Variants in GRIP1 observed in about 807,000 individuals in gnomAD.
The protein encoded by GRIP1 is glutamate receptor interacting protein 1, also known as glutamate receptor-interacting protein 1.
In GRIP1, 45 loss-of-function variants were observed where a neutral mutation model predicts 129.9. The observed-to-expected ratio is 0.35, with a 90% CI of 0.27 to 0.44. The LOEUF (loss-of-function observed/expected upper bound fraction) is 0.44. Ranked by LOEUF, GRIP1 falls within the 20% of genes least tolerant of loss-of-function variation. The pLI is 1.00. For synonymous variants in GRIP1, 530 were observed against 520.8 expected (o/e 1.02, Z -0.24); for missense variants, 1,196 against 1,396.8 (o/e 0.86, Z 2.29).
chr12:66,415,618 C>T lies in GRIP1; in HGVS notation c.1838+5102G>A, dbSNP rs375134263. 1.2e-3 allele frequency among the ~76,000 whole-genome samples: 179 copies of T among 152,208 alleles called. 1 individual carries two copies. Among genetic ancestry groups the T allele is most frequent in the African/African-American group, 3.5e-3 (146 of 41,520 alleles). On this transcript the variant is annotated intron_variant, in intron 15 of 24. Transcript: ENST00000359742. ...TTATTCTATTATAAAGATATATGCACGCTTATGTCCACTGCAGCACTATTC... is the reference window on the plus strand; with the variant it reads ...TTATTCTATTATAAAGATATATGCATGCTTATGTCCACTGCAGCACTATTC...
At chr12:66,755,100 T>C (rs1480018) in intron 1 of GRIP1, among the ~76,000 whole-genome samples, 28,651 of 152,040 alleles carry the variant, frequency 0.19, 2,800 homozygotes, top group Middle Eastern at 0.3. Flanking sequence ...AAATAAAACA[T>C]CAGGAAACCT....
chr12:66,392,428 A>C lies in GRIP1; in HGVS notation c.2344T>G (p.Ser782Ala). The change falls in exon 19 of 25, where the codon TCC becomes GCC. Residue 782 changes from serine to alanine, a missense_variant. Ser to Ala is a moderately conservative substitution (Grantham distance 99). Transcript: ENST00000359742. ...TTGCCTGGCTTCTGTGCTGGTGAGGAGTCCTCCTCCACATCCCCCAGGTCA... is the reference window on the plus strand; with the variant it reads ...TTGCCTGGCTTCTGTGCTGGTGAGGCGTCCTCCTCCACATCCCCCAGGTCA... ...LSDLGDVEED[S>A]SPAQKPGKLS... 1 of 1,614,016 alleles carries C rather than the reference A, an allele frequency of 6.2e-7. No homozygotes were observed. Among genetic ancestry groups the C allele is most frequent in the Non-Finnish European group, 8.5e-7 (1 of 1,179,906 alleles).
chr12:66,689,340 G>T (rs995894274), intron 1 of GRIP1, among the ~76,000 whole-genome samples: 5 of 152,210 alleles, frequency 3.3e-5, no homozygotes, highest in Admixed American at 2.6e-4. Flanking sequence ...GGAAAAGCAG[G>T]CGGAAGGTCA....
chr12:66,646,660 C>T (rs1396117732), intron 1 of GRIP1, among the ~76,000 whole-genome samples: 7 of 152,114 alleles, frequency 4.6e-5, no homozygotes, highest in East Asian at 3.9e-4. Flanking sequence ...TTATTTGCTA[C>T]GTTAAAAGAT....
intron 1 of GRIP1, among the ~76,000 whole-genome samples, chr12:66,944,727 T>A (rs2041639010): frequency 6.6e-6 from 1 of 152,184 alleles, no homozygotes; most frequent in Admixed American, 6.5e-5. Flanking sequence ...GGACTGCTAC[T>A]GGGCCATTTC....
At chr12:66,851,355 A>C (rs1485818191) in intron 1 of GRIP1, among the ~76,000 whole-genome samples, 2 of 152,098 alleles carry the variant, frequency 1.3e-5, no homozygotes, top group African/African-American at 4.8e-5. Context: ...AGAGGAAGTT[A>C]GAGGCAGGAA....
chr12:66,504,389 A>G (rs1422014072), intron 7 of GRIP1, among the ~76,000 whole-genome samples: 1 of 152,210 alleles, frequency 6.6e-6, no homozygotes, highest in African/African-American at 2.4e-5. Flanking sequence ...ATTCAGATTT[A>G]TCATATAGAA....
At chr12:66,725,136 TAAAAAC>T (rs111926128) in intron 1 of GRIP1, among the ~76,000 whole-genome samples, 7 of 151,680 alleles carry the variant, frequency 4.6e-5, no homozygotes, top group Admixed American at 1.3e-4. Flanking sequence ...TACAACAAAT[TAAAAAC>T]AAAAACAAAA....
chr12:66,465,292 AGATTTGAT>A lies in GRIP1; in HGVS notation c.847_854del (p.Ile283CysfsTer41), dbSNP rs755029817. On this transcript the variant is annotated frameshift_variant, in exon 8 of 25. Coordinates refer to ENST00000359742, the MANE Select transcript of GRIP1 (RefSeq NM_001366722.1). LOFTEE classifies it high-confidence loss of function. ...ATACTTACCTGTCTGCAATACTTGCAGATTTGATTTTGTCTATGACAATGACTTGTTTG... is the reference window on the plus strand; with the variant it reads ...ATACTTACCTGTCTGCAATACTTGCATTTGTCTATGACAATGACTTGTTTG... 6.2e-7 allele frequency: 1 copy of A among 1,613,930 alleles called. No individual in the cohort carries two copies. The highest frequency in any genetic ancestry group is 8.5e-7 in the Non-Finnish European group (1 of 1,179,816).
intron 1 of GRIP1, among the ~76,000 whole-genome samples, chr12:66,787,107 T>G (rs55723331): frequency 6.6e-6 from 1 of 152,084 alleles, no homozygotes; most frequent in Non-Finnish European, 1.5e-5. Context: ...GACCCCTAAA[T>G]GGCCCCAGCT....
rs897251768 is a variant in GRIP1 at position 66,891,909 on chromosome 12, G to A, written c.58+177141C>T. 2.6e-5 allele frequency: 4 copies of A among 152,354 alleles called. No homozygotes were observed. The East Asian group carries it at 5.8e-4, about 22-fold the overall frequency. 9.4% of individuals were successfully genotyped at this position (152,354 alleles called of 1,614,324 possible). On this transcript the variant is annotated intron_variant, in intron 1 of 1. Transcript: ENST00000643019. Reference sequence around the variant, plus strand: ...AGCAGACTATGACATACCTCCAGTGGGACATAGCGAGAAATTCCAGTTCAA... The same window carrying A: ...AGCAGACTATGACATACCTCCAGTGAGACATAGCGAGAAATTCCAGTTCAA...
intron 1 of GRIP1, among the ~76,000 whole-genome samples, chr12:66,888,644 T>C (rs1320385145): frequency 2.6e-5 from 4 of 152,232 alleles, no homozygotes; most frequent in Non-Finnish European, 5.9e-5. Context: ...ATTACAGGCA[T>C]GAGCCACCTT....
At position 66,617,286 on chromosome 12, in the gene GRIP1, GAAAA is replaced by G. The variant is rs63275262; in HGVS notation, c.56-20363_56-20360del. Among the ~76,000 whole-genome samples the G allele has an allele frequency of 1.2e-4, 12 of 104,010 alleles. No homozygotes were observed. In the South Asian group the frequency reaches 1.6e-3, roughly 14 times the overall value. 68.2% of individuals were successfully genotyped at this position (104,010 alleles called of 152,430 possible). ...CCTGTTTCCTCCACACAGCCAACAA[GAAAA>G]AAAAAAAAAAAAAAAAAGATGCTTG... On this transcript the variant is annotated intron_variant, in intron 1 of 24. Transcript: ENST00000359742.
intron 10 of GRIP1, 120 bp downstream of exon 10, chr12:66,456,067 T>C (rs2058951900): frequency 1.9e-6 from 1 of 519,220 alleles, no homozygotes; most frequent in Admixed American, 2.9e-5. Flanking sequence ...TCAGAAATGA[T>C]AAATTGCTAC....
At position 66,639,638 on chromosome 12, in the gene GRIP1, C is replaced by G. The variant is rs370310701; in HGVS notation, c.55+39212G>C. Among the ~76,000 whole-genome samples the G allele has an allele frequency of 1.1e-4, 16 of 152,268 alleles. No individual in the cohort carries two copies. In the South Asian group the frequency reaches 3.1e-3, roughly 30 times the overall value. On this transcript the variant is annotated intron_variant, in intron 1 of 24. Transcript: ENST00000359742. ...ACCACAGAAAAGAATGATAAATAAT[C>G]CAGCATAAAATGTCCCTTTGAACTA...
chr12:66,768,848 C>A (rs1388606325), intron 1 of GRIP1, among the ~76,000 whole-genome samples: 1 of 152,124 alleles, frequency 6.6e-6, no homozygotes, highest in Non-Finnish European at 1.5e-5. Context: ...AACTGAGAGA[C>A]CTCTAAAACA....
intron 1 of GRIP1, among the ~76,000 whole-genome samples, chr12:66,694,684 A>C (rs886135374): frequency 6.6e-6 from 1 of 152,188 alleles, no homozygotes; most frequent in Non-Finnish European, 1.5e-5. Flanking sequence ...GGTGATATTA[A>C]CTTATTATTT....
intron 1 of GRIP1, among the ~76,000 whole-genome samples, chr12:66,941,635 G>C (rs1349846483): frequency 6.6e-6 from 1 of 152,138 alleles, no homozygotes; most frequent in Non-Finnish European, 1.5e-5. Context: ...GTCATTTGAT[G>C]CCTGAAAACC....
intron 16 of GRIP1, among the ~76,000 whole-genome samples, chr12:66,399,487 G>C (rs553685920): frequency 6.6e-6 from 1 of 152,066 alleles, no homozygotes; most frequent in Non-Finnish European, 1.5e-5. Context: ...AAGTTTCAAA[G>C]TGAGCCTAAG....
Sources: allele counts gnomAD v4.1 joint callset (sites outside exome capture counted in the v4.1 genomes callset), GRCh38; gene constraint gnomAD v4.1.1; transcripts MANE v1.5; gene names NCBI Gene and HGNC (gene_info 2026-07-23, HGNC 2026-07-21).